The following IFT172 variants were observed in gnomAD, a reference collection of about 807,000 sequenced individuals.
IFT172 encodes intraflagellar transport 172.
Under a neutral mutation model 248.9 loss-of-function variants are expected in IFT172, and 164 were observed. The ratio of observed to expected loss-of-function variants is 0.66; its 90% CI spans 0.58 to 0.75. The LOEUF is 0.75. Ranked by LOEUF, IFT172 falls within the 30% of genes least tolerant of loss-of-function variation. The probability of loss-of-function intolerance (pLI) is 0.00; values close to 1 mark genes in which losing one functional copy is unlikely to be tolerated. For missense variants in IFT172, 1,950 were observed against 2,192.4 expected, an observed-to-expected ratio of 0.89 and a Z score of 2.21; for synonymous variants, 729 against 791.6, an observed-to-expected ratio of 0.92 and a Z score of 1.33.
rs970832348 is a variant in IFT172, at chr2:27,454,069, C to T, written c.3624G>A (p.Arg1208=). The T allele has an allele frequency of 1.2e-6, 2 of 1,614,024 alleles. No individual in the cohort carries two copies. The highest frequency in any genetic ancestry group is 2.7e-5 in the African/African-American group (2 of 74,938). The part of the protein sequence containing the change: ...SVAEVLVGQA[R]GALEEKDFQK... ...GAAAGTCCTTCTCCTCCAAGGCCCCCCGGGCCTGTCCCACAAGCACCTCGG... is the reference window on the plus strand; with the variant it reads ...GAAAGTCCTTCTCCTCCAAGGCCCCTCGGGCCTGTCCCACAAGCACCTCGG... The change falls in exon 33 of 48, where the codon CGG becomes CGA. Residue 1208 remains arginine, a synonymous_variant. Transcript: ENST00000260570. The surrounding 1 kb of genome is among the most constrained non-coding windows in gnomAD (Gnocchi z 4.2).
In IFT172 at chr2:27,489,683, GA is replaced by G; in HGVS notation, c.-31del. On this transcript the variant is annotated 5_prime_UTR_variant, in exon 1 of 48. Coordinates refer to ENST00000260570, the MANE Select transcript of IFT172 (RefSeq NM_015662.3). The stretch of plus-strand genomic sequence containing the variant: ...CACACCTGTCTTTCAGATGCTCCTA[GA>G]CAGCGACAACTCCCGTGGTTACCTG... The G allele has an allele frequency of 6.3e-7, 1 of 1,591,166 alleles. No individual in the cohort carries two copies. The highest frequency in any genetic ancestry group is 1.1e-5 in the South Asian group (1 of 89,602).
At chr2:27,475,640 G>C (rs1425706213) in intron 14 of IFT172, 1 of 152,046 alleles carries the variant, frequency 6.6e-6, no homozygotes, top group African/African-American at 2.4e-5. Context: ...TTATGTACCA[G>C]GGATAAGTGT....
At position 27,481,272 on chromosome 2, in the gene IFT172, G is replaced by T; in HGVS notation, c.571-12C>A. 1.9e-6 allele frequency: 3 copies of T among 1,605,028 alleles called. No homozygotes were observed. The highest frequency in any genetic ancestry group is 2.6e-6 in the Non-Finnish European group (3 of 1,175,274). On this transcript the variant is annotated splice_polypyrimidine_tract_variant and intron_variant, in intron 7 of 47. Coordinates refer to ENST00000260570, the MANE Select transcript of IFT172 (RefSeq NM_015662.3). ...TTAACCAACTTCCCCTAAGACAGAA[G>T]TAGAGGGTTTCAATCACTCTTCGAA... is the stretch of plus-strand genomic sequence containing the variant.
At chr2:27,461,608 A>T (rs1298330407) in intron 21 of IFT172, 91 bp from the exon 22 acceptor site, 48 of 1,534,876 alleles carry the variant, frequency 3.1e-5, no homozygotes, top group Non-Finnish European at 4.0e-5. Flanking sequence ...AACAAGGGGA[A>T]TCCTCCTGGG....
chr2:27,469,802 A>G (rs1667414365), intron 16 of IFT172, among the ~76,000 whole-genome samples: 1 of 152,212 alleles, frequency 6.6e-6, no homozygotes, highest in Admixed American at 6.5e-5. Context: ...ACTGCACTCC[A>G]GCCTGGGTGA....
Position 27,467,230 on chromosome 2 carries a change from G to A in IFT172, c.1693-1348C>T, listed in dbSNP as rs1202727800. 2.0e-5 allele frequency among the ~76,000 whole-genome samples: 3 copies of A among 151,860 alleles called. No individual in the cohort carries two copies. In the East Asian group the frequency reaches 5.8e-4, roughly 29 times the overall value. Reference sequence around the variant, plus strand: ...AACTCAATGTACAGTTTAAATAGCAGATTAGACAATGATAAAAAGCAAATT... The same window carrying A: ...AACTCAATGTACAGTTTAAATAGCAAATTAGACAATGATAAAAAGCAAATT... On this transcript the variant is annotated intron_variant, in intron 16 of 47. Coordinates refer to ENST00000260570, the MANE Select transcript of IFT172 (RefSeq NM_015662.3).
intron 18 of IFT172, among the ~76,000 whole-genome samples, chr2:27,464,447 T>C (rs944204674): frequency 1.3e-5 from 2 of 152,092 alleles, no homozygotes; most frequent in African/African-American, 4.8e-5. Context: ...GGAACCAAGA[T>C]TTGAATTCAA....
rs751022051 is a variant in IFT172, at chr2:27,457,690, C to T, written c.3177G>A (p.Lys1059=). ...EYHYLEAQEW[K]ATVNMYRASG... ...TGGCCCGGTACATGTTCACTGTTGC[C>T]TTCCATTCCTGGGCCTCGAGGTAGT... The change falls in exon 29 of 48, where the codon AAG becomes AAA. Residue 1059 remains lysine, a synonymous_variant. Coordinates refer to ENST00000260570, the MANE Select transcript of IFT172 (RefSeq NM_015662.3). 6 of 1,614,122 alleles carry T rather than the reference C, an allele frequency of 3.7e-6. No homozygotes were observed. Among genetic ancestry groups the T allele is most frequent in the Non-Finnish European group, 4.2e-6 (5 of 1,180,058 alleles).
chr2:27,488,797 G>A (rs1471964280), intron 1 of IFT172, among the ~76,000 whole-genome samples: 1 of 152,140 alleles, frequency 6.6e-6, no homozygotes, highest in Non-Finnish European at 1.5e-5. Flanking sequence ...GAGATATCAG[G>A]TCATTTGTTT....
chr2:27,465,816 T>C lies in IFT172; in HGVS notation c.1759A>G (p.Thr587Ala), dbSNP rs1572778041. The C allele has an allele frequency of 6.2e-7, 1 of 1,614,092 alleles. No individual in the cohort carries two copies. The highest frequency in any genetic ancestry group is 1.1e-5 in the South Asian group (1 of 91,080). ...CCCTCATCCAATGTGTAGGCAACAG[T>C]AGTCACACCTTCCATCACCATCACC... ...TEVMVMEGVT[T>A]VAYTLDEGLI... is the part of the protein sequence containing the mutation. Residue 587 changes from threonine (T) to alanine (A), a missense_variant, in exon 17 of 48, where the codon ACT becomes GCT. Transcript: ENST00000260570.
chr2:27,462,325 G>T (rs941142445), intron 20 of IFT172, among the ~76,000 whole-genome samples: 1 of 152,070 alleles, frequency 6.6e-6, no homozygotes, highest in African/African-American at 2.4e-5. Flanking sequence ...GAGCCACCAC[G>T]CCTGGCCTAA....
intron 9 of IFT172, 67 bp downstream of exon 9, chr2:27,479,959 A>G (rs1668238586): frequency 1.4e-5 from 22 of 1,564,162 alleles, no homozygotes; most frequent in Non-Finnish European, 1.9e-5. Flanking sequence ...GTGCTTTAGG[A>G]TAAGGCAGGA....
Position 27,478,024 on chromosome 2 carries a change from CCAG to C in IFT172, c.1135_1137del (p.Leu379del). 6.2e-7 allele frequency: 1 copy of C among 1,614,162 alleles called. No homozygotes were observed. Among genetic ancestry groups the C allele is most frequent in the Non-Finnish European group, 8.5e-7 (1 of 1,180,028 alleles). ...CTAAGCCGATTAGTGTTCAGGTCCCCCAGCAGCAGTGTTTCTGATGTGTGAGCC... is the reference window on the plus strand; with the variant it reads ...CTAAGCCGATTAGTGTTCAGGTCCCCCAGCAGTGTTTCTGATGTGTGAGCC... On this transcript the variant is annotated inframe_deletion, in exon 11 of 48. Coordinates refer to ENST00000260570, the MANE Select transcript of IFT172 (RefSeq NM_015662.3).
At position 27,459,828 on chromosome 2, in the gene IFT172, C is replaced by T. The variant is rs201637357; in HGVS notation, c.2523G>A (p.Ala841=). 44 of 1,610,854 alleles carry T rather than the reference C, an allele frequency of 2.7e-5. No homozygotes were observed. Among genetic ancestry groups the T allele is most frequent in the Middle Eastern group, 3.3e-4 (2 of 6,062 alleles). ...GGAAGGCCAATCGAGCCAGCTCTAC[C>T]GCTGCCAGGGAGAGAAAAGATGCTC... The part of the protein sequence containing the change: ...CYRKGNAFMK[A]VELARLAFPV... Residue 841 remains alanine, a splice_region_variant and synonymous_variant, in exon 24 of 48, where the codon GCG becomes GCA. Transcript: ENST00000260570.
intron 14 of IFT172, among the ~76,000 whole-genome samples, chr2:27,474,060 G>A (rs936199668): frequency 4.6e-5 from 7 of 151,986 alleles, no homozygotes; most frequent in Admixed American, 1.3e-4. Context: ...CGCCCGCCTC[G>A]GCCTCTCAAA....
At chr2:27,477,691 G>C in intron 11 of IFT172, 79 bp from the exon 12 acceptor site, 1 of 1,050,732 alleles carries the variant, frequency 9.5e-7, no homozygotes, top group Non-Finnish European at 1.5e-6. Flanking sequence ...TGACAGGTTG[G>C]GAAGTGGAAA....
Position 27,481,224 on chromosome 2 carries a change from A to T in IFT172, c.607T>A (p.Leu203Met). 1.2e-6 allele frequency: 2 copies of T among 1,612,540 alleles called. No homozygotes were observed. Among genetic ancestry groups the T allele is most frequent in the Non-Finnish European group, 1.7e-6 (2 of 1,179,974 alleles). ...ACGATGCTATTGGTTGCCCATGCCA[A>T]GGCATAGGGTGGACACGGGTGGTTA... ...LVNHPCPPYA[L>M]AWATNSIVAA... Residue 203 changes from leucine to methionine, a missense_variant, in exon 8 of 48, where the codon TTG becomes ATG. Coordinates refer to ENST00000260570, the MANE Select transcript of IFT172 (RefSeq NM_015662.3).
chr2:27,463,221 A>G, intron 18 of IFT172, 40 bp from the exon 19 acceptor site: 1 of 1,527,356 alleles, frequency 6.5e-7, no homozygotes, highest in Non-Finnish European at 9.1e-7. Context: ...TAATATTATT[A>G]TAGAATCATC....
rs761022629 is a variant in IFT172, at chr2:27,459,717, G to A, written c.2634C>T (p.Ile878=). ...TTCCCATACTCCCATACCTGGCTTC[G>A]ATGTAGTGATTAATGGCTGCATCAA... is the stretch of plus-strand genomic sequence containing the variant. ...KQLDAAINHY[I]EARCSIKAIE... is the part of the protein sequence containing the mutation. The change falls in exon 24 of 48, where the codon ATC becomes ATT. Residue 878 remains isoleucine, a synonymous_variant. Transcript: ENST00000260570. 6.2e-6 allele frequency: 10 copies of A among 1,612,318 alleles called. No individual in the cohort carries two copies. Among genetic ancestry groups the A allele is most frequent in the South Asian group, 1.1e-5 (1 of 91,078 alleles).
Sources: allele counts gnomAD v4.1 joint callset (sites outside exome capture counted in the v4.1 genomes callset), GRCh38; gene constraint gnomAD v4.1.1; non-coding constraint Gnocchi (gnomAD v3.1); transcripts MANE v1.5; gene names NCBI Gene and HGNC (gene_info 2026-07-23, HGNC 2026-07-21).